Variants in REEP3 observed in about 807,000 individuals in gnomAD.
REEP3 encodes the protein receptor accessory protein 3, also known as receptor expression-enhancing protein 3.
In REEP3, 20 loss-of-function variants were observed where a neutral mutation model predicts 41.3. That is an observed-to-expected ratio of 0.48 (90% CI 0.34 to 0.70). REEP3 has a LOEUF of 0.70. REEP3 is among the 30% of genes least tolerant of loss of function. The pLI, the probability that REEP3 is intolerant of heterozygous loss-of-function variation, is 0.01. For missense variants in REEP3, 271 were observed against 308.8 expected (o/e 0.88, Z 0.92); for synonymous variants, 104 against 101.8 (o/e 1.02, Z -0.13).
At chr10:63,591,365 G>C in intron 2 of REEP3, among the ~76,000 whole-genome samples, 1 of 151,742 alleles carries the variant, frequency 6.6e-6, no homozygotes. Context: ...TTTAATTTTT[G>C]CCTGTATTCA....
chr10:63,554,101 C>CA (rs11298394), intron 1 of REEP3, among the ~76,000 whole-genome samples: 19,418 of 109,976 alleles, frequency 0.18, 1,489 homozygotes, highest in East Asian at 0.33. Flanking sequence ...GACTCCGTCT[C>CA]AAAAAAAAAA....
intron 6 of REEP3, among the ~76,000 whole-genome samples, chr10:63,612,505 A>G (rs1325083386): frequency 1.3e-5 from 2 of 152,172 alleles, no homozygotes; most frequent in Non-Finnish European, 2.9e-5. Flanking sequence ...ATTTAAAATT[A>G]GGTGGTCAGT....
intron 1 of REEP3, among the ~76,000 whole-genome samples, chr10:63,557,717 A>AG (rs1554804693): frequency 1.3e-5 from 2 of 152,092 alleles, no homozygotes; most frequent in Non-Finnish European, 2.9e-5. Flanking sequence ...TGATTTGAGA[A>AG]TTTTTTTTCC....
intron 2 of REEP3, among the ~76,000 whole-genome samples, 157 bp downstream of exon 2, chr10:63,566,567 A>G (rs1225313120): frequency 6.6e-6 from 1 of 152,212 alleles, no homozygotes; most frequent in Non-Finnish European, 1.5e-5. Flanking sequence ...AAATCTTTGA[A>G]GATAACCCCA....
At chr10:63,565,718 G>A (rs10822182) in intron 1 of REEP3, among the ~76,000 whole-genome samples, 68,985 of 151,816 alleles carry the variant, frequency 0.45, 16,201 homozygotes, top group South Asian at 0.54. Context: ...TGACTGGCAG[G>A]GTTGGAGCAA....
chr10:63,565,070 C>T (rs976158036), intron 1 of REEP3, among the ~76,000 whole-genome samples: 8 of 152,058 alleles, frequency 5.3e-5, no homozygotes, highest in African/African-American at 1.7e-4. Context: ...CCAGCCTGGC[C>T]AACATGGCGA....
chr10:63,625,001 A>G lies in REEP3; in HGVS notation c.*4132A>G, dbSNP rs1233701456. On this transcript the variant is annotated 3_prime_UTR_variant, in exon 8 of 8. Coordinates refer to ENST00000373758, the MANE Select transcript of REEP3 (RefSeq NM_001001330.3). ...TTTCTTTGTGTTACTTCATTATGAC[A>G]CATAATGCGTGTTAAGGTCTTTCTA... 1.3e-5 allele frequency: 2 copies of G among 152,172 alleles called. No homozygotes were observed. Among genetic ancestry groups the G allele is most frequent in the African/African-American group, 4.8e-5 (2 of 41,462 alleles). The allele number at this position is 152,172 out of a possible 1,614,324, so 9.4% of individuals were successfully genotyped here. A position where few individuals can be genotyped will look rare whatever the true frequency, so the allele number is the denominator to read the frequency against.
At chr10:63,544,887 A>G (rs1254330416) in intron 1 of REEP3, among the ~76,000 whole-genome samples, 1 of 152,218 alleles carries the variant, frequency 6.6e-6, no homozygotes, top group Non-Finnish European at 1.5e-5. Flanking sequence ...ATGTATATGC[A>G]TTAGGGATTA....
intron 2 of REEP3, among the ~76,000 whole-genome samples, chr10:63,590,171 T>C (rs888039746): frequency 6.6e-6 from 1 of 152,152 alleles, no homozygotes; most frequent in African/African-American, 2.4e-5. Context: ...GCCAAAGCAG[T>C]TCTCCACCTC....
intron 2 of REEP3, among the ~76,000 whole-genome samples, chr10:63,593,877 C>G (rs975954973): frequency 6.6e-6 from 1 of 152,076 alleles, no homozygotes; most frequent in Non-Finnish European, 1.5e-5. Flanking sequence ...AGATTACAGG[C>G]TTACATCAGG....
chr10:63,611,686 G>C (rs1420447320), intron 6 of REEP3, among the ~76,000 whole-genome samples: 2 of 151,368 alleles, frequency 1.3e-5, no homozygotes, highest in Non-Finnish European at 2.9e-5. Flanking sequence ...TCTTTTGAGA[G>C]AGATTGAAAA....
intron 1 of REEP3, among the ~76,000 whole-genome samples, chr10:63,543,977 T>C (rs1265735060): frequency 6.6e-6 from 1 of 152,230 alleles, no homozygotes; most frequent in Non-Finnish European, 1.5e-5. Flanking sequence ...AAAGTCACAC[T>C]GCTACTTCAA....
chr10:63,532,196 C>T (rs1254824001), intron 1 of REEP3, among the ~76,000 whole-genome samples: 2 of 152,144 alleles, frequency 1.3e-5, no homozygotes, highest in African/African-American at 4.8e-5. Context: ...GTCATTGACT[C>T]TGCAGAATCA....
intron 1 of REEP3, among the ~76,000 whole-genome samples, chr10:63,528,058 G>C (rs1010658131): frequency 2.6e-5 from 4 of 151,628 alleles, no homozygotes; most frequent in Non-Finnish European, 2.9e-5. Context: ...AAGTTGGCAT[G>C]TCATGGGGAT....
intron 1 of REEP3, among the ~76,000 whole-genome samples, chr10:63,540,199 T>C (rs1955516281): frequency 6.6e-6 from 1 of 152,218 alleles, no homozygotes. Flanking sequence ...ATAGAGGGAC[T>C]GTCTGGATTT....
intron 5 of REEP3, among the ~76,000 whole-genome samples, chr10:63,605,451 C>G (rs369485014): frequency 6.6e-6 from 1 of 152,052 alleles, no homozygotes; most frequent in African/African-American, 2.4e-5. Flanking sequence ...AGTGGCTATT[C>G]TTTACTGAAT....
At chr10:63,530,144 A>G (rs34205815) in intron 1 of REEP3, among the ~76,000 whole-genome samples, 31,275 of 147,422 alleles carry the variant, frequency 0.21, 4,162 homozygotes, top group Non-Finnish European at 0.3. Flanking sequence ...GTTAGGGTAT[A>G]TGTTTGTTAA....
At chr10:63,591,100 A>C (rs777354690) in intron 2 of REEP3, among the ~76,000 whole-genome samples, 18 of 148,090 alleles carry the variant, frequency 1.2e-4, no homozygotes, top group Non-Finnish European at 1.9e-4. Context: ...ATCTTCACAT[A>C]CATTTAGGTT....
At chr10:63,537,651 C>T (rs1280654997) in intron 1 of REEP3, among the ~76,000 whole-genome samples, 1 of 152,096 alleles carries the variant, frequency 6.6e-6, no homozygotes, top group African/African-American at 2.4e-5. Context: ...AAGCAGGGAG[C>T]AGGTAGCAAC....
Sources: allele counts gnomAD v4.1 joint callset (sites outside exome capture counted in the v4.1 genomes callset), GRCh38; gene constraint gnomAD v4.1.1; transcripts MANE v1.5; gene names NCBI Gene and HGNC (gene_info 2026-07-23, HGNC 2026-07-21).